CSMD1: variants seen among roughly 807,000 people sequenced by gnomAD.
CSMD1 encodes the protein CUB and sushi domain-containing protein 1.
CSMD1 carries 213 observed loss-of-function variants against 417.5 expected under a neutral mutation model. That is an observed-to-expected ratio of 0.51 (90% confidence interval 0.46 to 0.57). CSMD1 has a LOEUF of 0.57. Ranked by LOEUF, CSMD1 falls within the 20% of genes least tolerant of loss-of-function variation. The probability of loss-of-function intolerance (pLI) is 0.00; values close to 1 mark genes in which losing one functional copy is unlikely to be tolerated. For missense variants in CSMD1, 6,923 were observed against 4,529.7 expected (o/e 1.53, Z -15.17); for synonymous variants, 2,862 against 1,736.8 (o/e 1.65, Z -16.11).
chr8:4,419,591 T>A (rs566940802), intron 3 of CSMD1, among the ~76,000 whole-genome samples: 2 of 152,206 alleles, frequency 1.3e-5, no homozygotes, highest in Non-Finnish European at 2.9e-5. Flanking sequence ...ACTATCAGTA[T>A]AATTGTCCAA....
At chr8:3,350,401 AGC>A (rs1478087243) in intron 21 of CSMD1, among the ~76,000 whole-genome samples, 3 of 152,112 alleles carry the variant, frequency 2.0e-5, no homozygotes, top group African/African-American at 7.2e-5. Context: ...AGGAAACTGA[AGC>A]ATAGAATAGT....
At chr8:4,231,501 A>G (rs1801730323) in intron 3 of CSMD1, among the ~76,000 whole-genome samples, 1 of 134,748 alleles carries the variant, frequency 7.4e-6, no homozygotes. Flanking sequence ...CCCTTCAATT[A>G]GGAGACATAA....
At chr8:3,429,721 TA>T (rs1341335727) in intron 12 of CSMD1, among the ~76,000 whole-genome samples, 1 of 152,232 alleles carries the variant, frequency 6.6e-6, no homozygotes, top group Non-Finnish European at 1.5e-5. Context: ...GTTAAATTGT[TA>T]GGTTTTTCAG....
chr8:4,662,824 T>A (rs182293644), intron 1 of CSMD1, among the ~76,000 whole-genome samples: 1 of 152,082 alleles, frequency 6.6e-6, no homozygotes, highest in Admixed American at 6.6e-5. Context: ...GCCCACATCA[T>A]CAAAACATTG....
intron 26 of CSMD1, among the ~76,000 whole-genome samples, chr8:3,258,626 A>G (rs1484821980): frequency 6.6e-6 from 1 of 152,222 alleles, no homozygotes; most frequent in Admixed American, 6.5e-5. Flanking sequence ...ATTCTATTAT[A>G]AAGACACATG....
intron 1 of CSMD1, among the ~76,000 whole-genome samples, chr8:4,648,887 A>G (rs960233682): frequency 6.6e-6 from 1 of 152,172 alleles, no homozygotes; most frequent in Non-Finnish European, 1.5e-5. Flanking sequence ...CACAAAGGAT[A>G]AGAGTGTGCT....
chr8:4,885,083 T>G (rs1265830340), intron 1 of CSMD1, among the ~76,000 whole-genome samples: 4 of 152,136 alleles, frequency 2.6e-5, no homozygotes, highest in Non-Finnish European at 5.9e-5. Context: ...TATTGCATTC[T>G]TTTAGAAGCT....
chr8:3,434,404 G>C (rs762628665), intron 12 of CSMD1, among the ~76,000 whole-genome samples: 2 of 152,168 alleles, frequency 1.3e-5, no homozygotes, highest in African/African-American at 2.4e-5. Context: ...CATTTGTAAA[G>C]AGTTCCAGTT....
At chr8:3,308,668 T>G (rs1805082897) in intron 23 of CSMD1, among the ~76,000 whole-genome samples, 165 bp from the exon 24 acceptor site, 1 of 151,790 alleles carries the variant, frequency 6.6e-6, no homozygotes, top group South Asian at 2.1e-4. Flanking sequence ...GTACTGGGGC[T>G]ATTTGTTACC....
intron 1 of CSMD1, among the ~76,000 whole-genome samples, chr8:4,841,971 C>T: frequency 1.3e-5 from 1 of 79,380 alleles, no homozygotes. Context: ...GTCCTGAATG[C>T]ATTTTTGTCC....
At chr8:3,155,946 G>C (rs77597051) in intron 39 of CSMD1, among the ~76,000 whole-genome samples, 2,200 of 152,280 alleles carry the variant, frequency 0.014, 59 homozygotes, top group African/African-American at 0.051. Flanking sequence ...ATGCAAGGCA[G>C]TTAAATTGTG....
intron 5 of CSMD1, among the ~76,000 whole-genome samples, chr8:3,891,882 G>A (rs752346531): frequency 3.3e-5 from 5 of 152,084 alleles, no homozygotes; most frequent in Non-Finnish European, 7.3e-5. Flanking sequence ...TTACTGACAC[G>A]TTTATTATGT....
intron 18 of CSMD1, among the ~76,000 whole-genome samples, chr8:3,385,432 G>C (rs907557694): frequency 5.3e-5 from 8 of 151,456 alleles, no homozygotes; most frequent in Admixed American, 3.3e-4. Flanking sequence ...CCTGAATGCA[G>C]CCACCTACTG....
intron 26 of CSMD1, among the ~76,000 whole-genome samples, chr8:3,276,040 T>G (rs983974949): frequency 6.6e-6 from 1 of 152,220 alleles, no homozygotes; most frequent in Non-Finnish European, 1.5e-5. Flanking sequence ...CTGCTCTGTT[T>G]TTTCCCCATC....
intron 3 of CSMD1, among the ~76,000 whole-genome samples, chr8:4,207,887 C>T (rs1048327112): frequency 3.9e-5 from 6 of 152,094 alleles, no homozygotes; most frequent in African/African-American, 2.4e-5. Flanking sequence ...AATTAGTCCT[C>T]ATGGAGCAAC....
intron 3 of CSMD1, among the ~76,000 whole-genome samples, chr8:4,301,750 G>T (rs941283403): frequency 6.6e-6 from 1 of 152,114 alleles, no homozygotes; most frequent in Admixed American, 6.6e-5. Flanking sequence ...TCACTATCAT[G>T]TCCTGCCTCC....
intron 3 of CSMD1, among the ~76,000 whole-genome samples, chr8:4,307,169 G>A (rs549032448): frequency 2.0e-5 from 3 of 152,238 alleles, no homozygotes; most frequent in East Asian, 3.9e-4. Context: ...CTTCAGCACA[G>A]GCTCCATTTA....
At chr8:3,365,807 T>C (rs935540461) in intron 20 of CSMD1, among the ~76,000 whole-genome samples, 2 of 152,310 alleles carry the variant, frequency 1.3e-5, no homozygotes, top group Admixed American at 1.3e-4. Context: ...TGAACTACAG[T>C]TGACCTTGAA....
Position 4,221,304 on chromosome 8 carries a change from C to A in CSMD1, c.416-189205G>T, listed in dbSNP as rs770131114. 3.3e-5 allele frequency among the ~76,000 whole-genome samples: 5 copies of A among 151,306 alleles called. No homozygotes were observed. The East Asian group carries it at 7.9e-4, about 24-fold the overall frequency. ...AGTTAAACATGGCATATTGAATACA[C>A]TCATGGACTTACCACTTCTTGCTCA... On this transcript the variant is annotated intron_variant, in intron 3 of 69. Transcript: ENST00000635120.
Sources: gnomAD v4.1 joint callset for allele counts (sites outside exome capture counted in the v4.1 genomes callset) on GRCh38, gnomAD v4.1.1 for gene constraint, MANE v1.5 for transcripts, NCBI Gene and HGNC (gene_info 2026-07-23, HGNC 2026-07-21) for gene names.